CRYBG1: variants seen among roughly 807,000 people sequenced by gnomAD.
CRYBG1 encodes the protein beta/gamma crystallin domain-containing protein 1.
CRYBG1 carries 139 observed loss-of-function variants against 189.2 expected under a neutral mutation model. The observed-to-expected ratio is 0.73, with a 90% CI of 0.64 to 0.85. The LOEUF (loss-of-function observed/expected upper bound fraction) is 0.85, where lower values mean the gene tolerates loss of function less well. Among genes scored for constraint, CRYBG1 ranks in the 40% least tolerant of loss-of-function variants. The probability of loss-of-function intolerance (pLI) is 0.00; values close to 1 mark genes in which losing one functional copy is unlikely to be tolerated. For synonymous variants in CRYBG1, 1,023 were observed against 1,017.1 expected, an observed-to-expected ratio of 1.01 and a Z score of -0.11; for missense variants, 2,611 against 2,675.8, an observed-to-expected ratio of 0.98 and a Z score of 0.53.
intron 1 of CRYBG1, among the ~76,000 whole-genome samples, chr6:106,428,010 A>C (rs751302936): frequency 5.3e-5 from 8 of 152,122 alleles, no homozygotes; most frequent in South Asian, 2.1e-4. Flanking sequence ...CTGTTCAAAC[A>C]TTTTCCTCCT....
intron 13 of CRYBG1, among the ~76,000 whole-genome samples, chr6:106,551,537 A>G (rs1354974552): frequency 1.3e-5 from 2 of 152,212 alleles, no homozygotes; most frequent in African/African-American, 4.8e-5. Context: ...TATCCCAGTA[A>G]TGGGATTGCT....
At chr6:106,387,731 T>G (rs1770420090) in intron 1 of CRYBG1, among the ~76,000 whole-genome samples, 1 of 152,186 alleles carries the variant, frequency 6.6e-6, no homozygotes, top group African/African-American at 2.4e-5. Context: ...TCTAGCACTC[T>G]ATGCTTGGTA....
At chr6:106,370,493 C>T (rs757124715) in intron 1 of CRYBG1, among the ~76,000 whole-genome samples, 1 of 152,188 alleles carries the variant, frequency 6.6e-6, no homozygotes, top group Non-Finnish European at 1.5e-5. Context: ...TGCTTGAATC[C>T]ATTGGTTTTA....
At chr6:106,436,454 C>A (rs1451029199) in intron 1 of CRYBG1, among the ~76,000 whole-genome samples, 1 of 152,130 alleles carries the variant, frequency 6.6e-6, no homozygotes, top group Admixed American at 6.5e-5. Flanking sequence ...GCCGCCACCT[C>A]GCCCTACTGT....
rs57530310 is a variant in CRYBG1 at position 106,479,196 on chromosome 6, A to G, written c.312+27364A>G. Among the ~76,000 whole-genome samples, 1,316 of 152,340 alleles carry G rather than the reference A, an allele frequency of 8.6e-3. 19 individuals are homozygous for G. Among genetic ancestry groups the G allele is most frequent in the African/African-American group, 0.03 (1,227 of 41,568 alleles). On this transcript the variant is annotated intron_variant, in intron 2 of 21. Transcript: ENST00000633556. The stretch of plus-strand genomic sequence containing the variant: ...TTTATGTACAAGTTTTTGTATGGAC[A>G]TATATTTTCAATTCTCTTGAGTATA...
intron 1 of CRYBG1, among the ~76,000 whole-genome samples, chr6:106,394,866 T>C (rs1770575418): frequency 6.6e-6 from 1 of 151,504 alleles, no homozygotes; most frequent in Non-Finnish European, 1.5e-5. Context: ...AGAATTTTTT[T>C]TTTTTTTTTG....
chr6:106,525,117 G>A lies in CRYBG1; in HGVS notation c.4246-16G>A, dbSNP rs754009070. ...AGTTGTAATTATTTGTTGTGTTTTT[G>A]TTCATCTGATTGCAGACACTTAGAG... On this transcript the variant is annotated splice_polypyrimidine_tract_variant and intron_variant, in intron 4 of 21. Coordinates refer to ENST00000633556, the MANE Select transcript of CRYBG1 (RefSeq NM_001371242.2). 6.2e-7 allele frequency: 1 copy of A among 1,613,372 alleles called. No individual in the cohort carries two copies. Among genetic ancestry groups the A allele is most frequent in the South Asian group, 1.1e-5 (1 of 91,050 alleles).
rs1394849165 is a variant in CRYBG1 at position 106,520,769 on chromosome 6, G to A, written c.3561G>A (p.Leu1187=). The change falls in exon 4 of 22, where the codon CTG becomes CTA. Residue 1187 remains leucine (L), a synonymous_variant. Coordinates refer to ENST00000633556, the MANE Select transcript of CRYBG1 (RefSeq NM_001371242.2). The stretch of plus-strand genomic sequence containing the variant: ...AGAACCTTGACACAAAATCCAAACT[G>A]AGACCCAAACGTGCATCTGCTGAAC... The part of the protein sequence containing the change: ...LMQNLDTKSK[L]RPKRASAEQS... 1 of 1,614,154 alleles carries A rather than the reference G, an allele frequency of 6.2e-7. No individual in the cohort carries two copies. The highest frequency in any genetic ancestry group is 1.6e-4 in the Middle Eastern group (1 of 6,062).
chr6:106,568,659 A>G lies in CRYBG1; in HGVS notation c.*93A>G. 1 of 851,874 alleles carries G rather than the reference A, an allele frequency of 1.2e-6. No homozygotes were observed. Among genetic ancestry groups the G allele is most frequent in the Admixed American group, 2.1e-5 (1 of 46,964 alleles). The allele number at this position is 851,874 out of a possible 1,614,324, so 52.8% of individuals were successfully genotyped here. On this transcript the variant is annotated 3_prime_UTR_variant, in exon 22 of 22. Coordinates refer to ENST00000633556, the MANE Select transcript of CRYBG1 (RefSeq NM_001371242.2). ...GATGGAAGACCAGACTGGAAAGTGGATCGACTCCTCCTTCATTGATTCTAA... is the reference window on the plus strand; with the variant it reads ...GATGGAAGACCAGACTGGAAAGTGGGTCGACTCCTCCTTCATTGATTCTAA...
chr6:106,403,341 TAAAC>T (rs1770759183), intron 1 of CRYBG1, among the ~76,000 whole-genome samples: 1 of 151,900 alleles, frequency 6.6e-6, no homozygotes, highest in African/African-American at 2.4e-5. Flanking sequence ...TAAAAATAAA[TAAAC>T]AAATAAAAGG....
chr6:106,557,023 T>G (rs968238242), intron 17 of CRYBG1, among the ~76,000 whole-genome samples: 1 of 152,202 alleles, frequency 6.6e-6, no homozygotes, highest in East Asian at 1.9e-4. Context: ...GATGACATCT[T>G]TTTATGTTTT....
chr6:106,372,543 T>C (rs117799561), intron 1 of CRYBG1, among the ~76,000 whole-genome samples: 8,481 of 152,300 alleles, frequency 0.056, 390 homozygotes, highest in East Asian at 0.16. Flanking sequence ...TGAGCCACCG[T>C]GCCTGGCCTT....
At position 106,521,357 on chromosome 6, in the gene CRYBG1, CTG is replaced by C; in HGVS notation, c.4152_4153del (p.Ala1385LysfsTer3). 3.1e-6 allele frequency: 5 copies of C among 1,614,152 alleles called. No individual in the cohort carries two copies. Among genetic ancestry groups the C allele is most frequent in the Non-Finnish European group, 4.2e-6 (5 of 1,180,022 alleles). ...GTGTTATTAAATCAAACTTGCCAAACTGTGCAAACAGTGACACCGACTTCATG... is the reference window on the plus strand; with the variant it reads ...GTGTTATTAAATCAAACTTGCCAAACTGCAAACAGTGACACCGACTTCATG... ...ESVIKSNLPN[C>X]ANSDTDFMGL... On this transcript the variant is annotated frameshift_variant, in exon 4 of 22. Transcript: ENST00000633556. LOFTEE classifies it high-confidence loss of function.
Position 106,519,881 on chromosome 6 carries a change from A to G in CRYBG1, c.2673A>G (p.Gln891=), listed in dbSNP as rs200154086. 3.1e-6 allele frequency: 5 copies of G among 1,614,166 alleles called. No individual in the cohort carries two copies. Among genetic ancestry groups the G allele is most frequent in the African/African-American group, 1.3e-5 (1 of 75,042 alleles). Residue 891 remains glutamine, a synonymous_variant, in exon 4 of 22, where the codon CAA becomes CAG. Coordinates refer to ENST00000633556, the MANE Select transcript of CRYBG1 (RefSeq NM_001371242.2). ...PGDVPKDTCV[Q]SPISSFPCTD... ...ATGTTCCCAAAGACACATGTGTTCA[A>G]TCACCCATAAGCAGTTTCCCATGCA...
intron 1 of CRYBG1, among the ~76,000 whole-genome samples, chr6:106,436,298 T>C (rs1403476496): frequency 7.6e-5 from 2 of 26,288 alleles, no homozygotes; most frequent in Non-Finnish European, 1.2e-4. Flanking sequence ...GCAATCTCTT[T>C]TTTTTTTTTT....
At chr6:106,490,841 CTG>C (rs1772704900) in intron 2 of CRYBG1, among the ~76,000 whole-genome samples, 1 of 152,202 alleles carries the variant, frequency 6.6e-6, no homozygotes. Flanking sequence ...TTCTCACACT[CTG>C]TGAAAAGGCC....
At chr6:106,564,825 C>CT (rs1774828820) in intron 21 of CRYBG1, among the ~76,000 whole-genome samples, 1 of 151,974 alleles carries the variant, frequency 6.6e-6, no homozygotes, top group Non-Finnish European at 1.5e-5. Context: ...TTAATGGGCA[C>CT]TTTTTTATTC....
At chr6:106,416,999 CT>C (rs71663353) in intron 1 of CRYBG1, among the ~76,000 whole-genome samples, 191 of 69,478 alleles carry the variant, frequency 2.7e-3, no homozygotes, top group South Asian at 4.1e-3. Flanking sequence ...ATGGGATTTA[CT>C]TTTTTTTTTT....
rs1485186891 is a variant in CRYBG1 at position 106,512,083 on chromosome 6, A to C, written c.966A>C (p.Glu322Asp). ...APNGAPSVCA[E>D]EGSLGPRNAR... ...ACGGAGCCCCCAGTGTGTGTGCCGAAGAAGGCTCCCTGGGGCCCCGCAACG... is the reference window on the plus strand; with the variant it reads ...ACGGAGCCCCCAGTGTGTGTGCCGACGAAGGCTCCCTGGGGCCCCGCAACG... The change falls in exon 3 of 22, where the codon GAA becomes GAC. Residue 322 changes from glutamate to aspartate, a missense_variant. Transcript: ENST00000633556. 4.6e-5 allele frequency: 70 copies of C among 1,534,366 alleles called. No homozygotes were observed. Among genetic ancestry groups the C allele is most frequent in the Non-Finnish European group, 1.6e-5 (18 of 1,146,258 alleles).
Sources: allele counts gnomAD v4.1 joint callset (sites outside exome capture counted in the v4.1 genomes callset), GRCh38; gene constraint gnomAD v4.1.1; transcripts MANE v1.5; gene names NCBI Gene and HGNC (gene_info 2026-07-23, HGNC 2026-07-21).